The following ZNF266 variants were observed in gnomAD, a reference collection of about 807,000 sequenced individuals.
The protein encoded by ZNF266 is zinc finger protein 266.
Under a neutral mutation model 16.4 loss-of-function variants are expected in ZNF266, and 16 were observed. The ratio of observed to expected loss-of-function variants is 0.98; its 90% CI spans 0.66 to 1.48. The LOEUF is 1.48. Ranked by LOEUF, ZNF266 falls within the 40% of genes most tolerant of loss-of-function variation. ZNF266 has a pLI of 0.00. For missense variants in ZNF266, 738 were observed against 689.1 expected (o/e 1.07, Z -0.79); for synonymous variants, 262 against 237.9 (o/e 1.10, Z -0.93).
chr19:9,428,326 A>G (rs999988118), intron 5 of ZNF266, among the ~76,000 whole-genome samples: 1 of 152,192 alleles, frequency 6.6e-6, no homozygotes, highest in African/African-American at 2.4e-5. Context: ...CCTTGGGTCT[A>G]ATCCACCCGC....
Position 9,413,857 on chromosome 19 carries a change from A to T in ZNF266, c.1269T>A (p.Asp423Glu), listed in dbSNP as rs146812179. The T allele has an allele frequency of 6.4e-4, 1,025 of 1,613,434 alleles. 3 individuals carry two copies. The highest frequency in any genetic ancestry group is 4.1e-4 in the Non-Finnish European group (484 of 1,179,810). ...HTGIKPYKCK[D>E]CGKAFTQNSD... ...AGTTCTGAGTGAAGGCTTTCCCACA[A>T]TCCTTACATTTATAGGGTTTTATTC... Residue 423 changes from aspartate to glutamate, a missense_variant, in exon 11 of 11, where the codon GAT (aspartate) becomes GAA (glutamate). By Grantham distance (45) the Asp-to-Glu change is conservative. Coordinates refer to ENST00000592904, the MANE Select transcript of ZNF266 (RefSeq NM_001370374.1).
At position 9,417,598 on chromosome 19, in the gene ZNF266, G is replaced by A. The variant is rs191796510; in HGVS notation, c.316+230C>T. On this transcript the variant is annotated intron_variant, in intron 9 of 10. Coordinates refer to ENST00000592904, the MANE Select transcript of ZNF266 (RefSeq NM_001370374.1). ...AAAAATTAGCCAGGCATGGTGGCGT[G>A]AGCCTGTAATCCCAGCTACTCAGGG... Among the ~76,000 whole-genome samples the A allele has an allele frequency of 3.8e-3, 571 of 152,106 alleles. 4 individuals carry two copies. The highest frequency in any genetic ancestry group is 0.013 in the African/African-American group (538 of 41,496).
At chr19:9,416,306 A>G (rs184899196) in intron 9 of ZNF266, among the ~76,000 whole-genome samples, 1 of 151,836 alleles carries the variant, frequency 6.6e-6, no homozygotes, top group African/African-American at 2.4e-5. Context: ...CCATGGAAGG[A>G]AAGTTGAGGA....
chr19:9,417,466 C>T (rs1017502605), intron 9 of ZNF266, among the ~76,000 whole-genome samples: 2 of 151,104 alleles, frequency 1.3e-5, no homozygotes, highest in South Asian at 2.1e-4. Context: ...TGGTGGCTCA[C>T]GCCTGTAATC....
chr19:9,414,117 A>C lies in ZNF266; in HGVS notation c.1009T>G (p.Cys337Gly). 2 of 1,613,906 alleles carry C rather than the reference A, an allele frequency of 1.2e-6. No individual in the cohort carries two copies. The highest frequency in any genetic ancestry group is 1.7e-6 in the Non-Finnish European group (2 of 1,179,914). ...GTGAAGGCTCTCCCACAATCCTTAC[A>C]TTTATAAGGTTTCTCTCCAGTGTGA... ...KTHTGEKPYK[C>G]KDCGRAFTVS... is the part of the protein sequence containing the mutation. Residue 337 changes from cysteine (C) to glycine (G), a missense_variant, in exon 11 of 11, where the codon TGT (cysteine) becomes GGT (glycine). Transcript: ENST00000592904.
At chr19:9,429,672 A>G (rs2071295169) in intron 5 of ZNF266, among the ~76,000 whole-genome samples, 1 of 152,126 alleles carries the variant, frequency 6.6e-6, no homozygotes, top group Non-Finnish European at 1.5e-5. Context: ...TAAAACACAA[A>G]TGGACACAGA....
chr19:9,414,489 A>T lies in ZNF266; in HGVS notation c.637T>A (p.Cys213Ser), dbSNP rs772897706. ...KAFSLNPDVV[C>S]QRTCTGEKAF... ...TTCTCTCCTGTGCACGTTCTCTGGC[A>T]AACAACATCTGGGTTCAGGCTGAAG... The change falls in exon 11 of 11, where the codon TGC becomes AGC. Residue 213 changes from cysteine (C) to serine (S), a missense_variant. By Grantham distance (112) the Cys-to-Ser change is moderately radical. Coordinates refer to ENST00000592904, the MANE Select transcript of ZNF266 (RefSeq NM_001370374.1). The T allele has an allele frequency of 1.9e-6, 3 of 1,614,094 alleles. No individual in the cohort carries two copies. The African/African-American group carries it at 4.0e-5, about 22-fold the overall frequency.
Position 9,414,659 on chromosome 19 carries a change from T to C in ZNF266, c.467A>G (p.Glu156Gly), listed in dbSNP as rs1249392301. The C allele has an allele frequency of 3.7e-6, 6 of 1,600,172 alleles. No homozygotes were observed. Among genetic ancestry groups the C allele is most frequent in the South Asian group, 3.3e-5 (3 of 90,736 alleles). Residue 156 changes from glutamate (E) to glycine (G), a missense_variant, in exon 11 of 11, where the codon GAA becomes GGA. Glu to Gly is a moderately conservative substitution (Grantham distance 98, BLOSUM62 -2). Transcript: ENST00000592904. ...DVKQCGDVSSEHSCLKTHVRT... is the reference protein window; with the variant it reads ...DVKQCGDVSSGHSCLKTHVRT... ...CACATGTGTCTTAAGGCATGAGTGT[T>C]CACTGGAGACATCTCCACATTGCTT...
At chr19:9,430,656 T>G (rs1375057010) in intron 5 of ZNF266, among the ~76,000 whole-genome samples, 1 of 152,176 alleles carries the variant, frequency 6.6e-6, no homozygotes, top group Non-Finnish European at 1.5e-5. Context: ...CCCCTCCCTG[T>G]GTGCTGTTTG....
intron 5 of ZNF266, among the ~76,000 whole-genome samples, chr19:9,427,719 C>T (rs1261448613): frequency 2.0e-5 from 3 of 152,120 alleles, no homozygotes; most frequent in African/African-American, 7.2e-5. Context: ...CTTTTCCAGG[C>T]TACCCAACAG....
intron 5 of ZNF266, among the ~76,000 whole-genome samples, chr19:9,427,482 A>G (rs577394201): frequency 6.6e-6 from 1 of 151,978 alleles, no homozygotes; most frequent in Non-Finnish European, 1.5e-5. Context: ...CACCATGCCC[A>G]GCTAATATAT....
At chr19:9,429,216 G>A (rs897584469) in intron 5 of ZNF266, among the ~76,000 whole-genome samples, 3 of 151,948 alleles carry the variant, frequency 2.0e-5, no homozygotes, top group African/African-American at 4.8e-5. Context: ...TCATGCTCTA[G>A]GGCTTAACTT....
At chr19:9,423,722 G>A (rs933947670) in intron 5 of ZNF266, among the ~76,000 whole-genome samples, 4 of 152,264 alleles carry the variant, frequency 2.6e-5, no homozygotes, top group African/African-American at 7.2e-5. Flanking sequence ...TAGGCCAGGC[G>A]CGGTGGCTCA....
In ZNF266 at chr19:9,414,375, G is replaced by A. The variant is rs1210479345; in HGVS notation, c.751C>T (p.His251Tyr). The A allele has an allele frequency of 1.9e-6, 3 of 1,614,146 alleles. No individual in the cohort carries two copies. Among genetic ancestry groups the A allele is most frequent in the Middle Eastern group, 1.6e-4 (1 of 6,062 alleles). Reference protein sequence around the residue: ...HLRTHNGESLHEWKECGRGFI... With the variant: ...HLRTHNGESLYEWKECGRGFI... ...CCTCTCCCACATTCCTTCCATTCAT[G>A]GAGACTTTCTCCATTGTGAGTTCTT... The change falls in exon 11 of 11, where the codon CAT becomes TAT. Residue 251 changes from histidine to tyrosine, a missense_variant. Coordinates refer to ENST00000592904, the MANE Select transcript of ZNF266 (RefSeq NM_001370374.1).
Position 9,413,570 on chromosome 19 carries a change from T to A in ZNF266, c.1556A>T (p.Asn519Ile). ...GGCGCTGTGGGTCCGCATGTGATTATTAAGACTGGAGGAATGCGTAAATGC... is the reference window on the plus strand; with the variant it reads ...GGCGCTGTGGGTCCGCATGTGATTAATAAGACTGGAGGAATGCGTAAATGC... ...GKAFTHSSSL[N>I]NHMRTHSAKK... Residue 519 changes from asparagine (N) to isoleucine (I), a missense_variant, in exon 11 of 11, where the codon AAT becomes ATT. Asn to Ile is a moderately radical substitution (Grantham distance 149). Coordinates refer to ENST00000592904, the MANE Select transcript of ZNF266 (RefSeq NM_001370374.1). The A allele has an allele frequency of 6.2e-7, 1 of 1,614,164 alleles. No individual in the cohort carries two copies. Among genetic ancestry groups the A allele is most frequent in the Non-Finnish European group, 8.5e-7 (1 of 1,180,026 alleles).
At chr19:9,418,479 G>T (rs1311333088) in intron 8 of ZNF266, 26 bp downstream of exon 8, 1 of 1,612,638 alleles carries the variant, frequency 6.2e-7, no homozygotes, top group Non-Finnish European at 8.5e-7. Context: ...TCCATAGTAG[G>T]CTACAAGGGA....
chr19:9,416,754 C>T (rs974029258), intron 9 of ZNF266, among the ~76,000 whole-genome samples: 2 of 130,620 alleles, frequency 1.5e-5, no homozygotes, highest in African/African-American at 5.9e-5. Flanking sequence ...TCATTGCAAC[C>T]TTCGGCCCCT....
chr19:9,416,097 C>G (rs2068934853), intron 9 of ZNF266, among the ~76,000 whole-genome samples: 1 of 152,188 alleles, frequency 6.6e-6, no homozygotes. Flanking sequence ...GCTGGGATTA[C>G]AGGCATTAGC....
intron 5 of ZNF266, among the ~76,000 whole-genome samples, chr19:9,431,918 G>A (rs2071664851): frequency 6.6e-6 from 1 of 152,132 alleles, no homozygotes; most frequent in Non-Finnish European, 1.5e-5. Context: ...AAAATGAAGA[G>A]AATGCAGATG....
Sources: allele counts gnomAD v4.1 joint callset (sites outside exome capture counted in the v4.1 genomes callset), GRCh38; gene constraint gnomAD v4.1.1; transcripts MANE v1.5; gene names NCBI Gene and HGNC (gene_info 2026-07-23, HGNC 2026-07-21).